KDM1B: variants seen among roughly 807,000 people sequenced by gnomAD.
KDM1B encodes the protein lysine demethylase 1B.
A neutral mutation model predicts 107.4 loss-of-function variants in KDM1B; 63 were observed. That is an observed-to-expected ratio of 0.59 (90% CI 0.48 to 0.72). KDM1B has a LOEUF of 0.72. Among genes scored for constraint, KDM1B ranks in the 30% least tolerant of loss-of-function variants. KDM1B has a pLI of 0.00. For synonymous variants in KDM1B, 363 were observed against 363.9 expected (o/e 1.00, Z 0.03); for missense variants, 749 against 1,020.8 (o/e 0.73, Z 3.63).
rs1789812188 is a variant in KDM1B, at chr6:18,222,223, G to GAA, written c.*233_*234dup. On this transcript the variant is annotated 3_prime_UTR_variant, in exon 22 of 22. Transcript: ENST00000650836. Reference sequence around the variant, plus strand: ...ATTTTCCATAGGTTCAACTACTGCTGAAAGTCTGGATTTCAGAATAAAGCA... The same window carrying GAA: ...ATTTTCCATAGGTTCAACTACTGCTGAAAAAGTCTGGATTTCAGAATAAAGCA... 1 of 633,882 alleles carries GAA rather than the reference G, an allele frequency of 1.6e-6. No homozygotes were observed. The highest frequency in any genetic ancestry group is 1.8e-5 in the African/African-American group (1 of 55,600). The allele number at this position is 633,882 out of a possible 1,614,324, so 39.3% of individuals were successfully genotyped here.
intron 6 of KDM1B, among the ~76,000 whole-genome samples, chr6:18,170,241 A>G (rs7744132): frequency 0.9 from 136,553 of 152,200 alleles, 61,341 homozygotes; most frequent in Middle Eastern, 0.91. Context: ...AAGATAGTAC[A>G]GAGAGTTTCC....
chr6:18,201,437 A>ATT lies in KDM1B; in HGVS notation c.1360-43_1360-42dup, dbSNP rs1362355314. 1 of 1,394,478 alleles carries ATT rather than the reference A, an allele frequency of 7.2e-7. No homozygotes were observed. Among genetic ancestry groups the ATT allele is most frequent in the Non-Finnish European group, 9.7e-7 (1 of 1,025,924 alleles). The allele number at this position is 1,394,478 out of a possible 1,614,324, so 86.4% of individuals were successfully genotyped here. On this transcript the variant is annotated intron_variant, in intron 13 of 21. Transcript: ENST00000650836. This position sits in a 1 kb window ranked among gnomAD's most constrained non-coding sequence, Gnocchi z 4.3. ...GATTTTCAGCTTAGAACCTGTAAAT[A>ATT]TTTTTTTCCAGGGAAAATTTTCACC... is the stretch of plus-strand genomic sequence containing the variant.
chr6:18,210,863 G>A (rs1156269725), intron 17 of KDM1B, among the ~76,000 whole-genome samples: 2 of 152,018 alleles, frequency 1.3e-5, no homozygotes, highest in Non-Finnish European at 2.9e-5. Context: ...TCTGGGCATC[G>A]TGCTGCACAC....
intron 7 of KDM1B, among the ~76,000 whole-genome samples, chr6:18,174,965 T>C (rs1053464868): frequency 1.3e-5 from 2 of 152,244 alleles, no homozygotes; most frequent in African/African-American, 2.4e-5. Flanking sequence ...TATGGAAGTA[T>C]GTTTTTTGTA....
intron 9 of KDM1B, 59 bp downstream of exon 9, chr6:18,188,061 G>A (rs956312257): frequency 9.2e-6 from 13 of 1,413,522 alleles, no homozygotes; most frequent in African/African-American, 4.3e-5. Context: ...CCTGAGGAAC[G>A]TGTGAGTGAG....
At chr6:18,173,072 A>G (rs1582104627) in intron 7 of KDM1B, among the ~76,000 whole-genome samples, 2 of 147,388 alleles carry the variant, frequency 1.4e-5, no homozygotes, top group Admixed American at 1.4e-4. Flanking sequence ...CCTGGGCAAC[A>G]AGAGTGAAAC....
In KDM1B at chr6:18,191,011, G is replaced by A. The variant is rs78849958; in HGVS notation, c.785-186G>A. On this transcript the variant is annotated intron_variant, in intron 9 of 21. Transcript: ENST00000650836. The surrounding 1 kb of genome is among the most constrained non-coding windows in gnomAD (Gnocchi z 5.1). ...AAATTAAAGTTGAGAATAGCATGAA[G>A]AAAGAATGAGAAAAATACTTAATTT... Among the ~76,000 whole-genome samples the A allele has an allele frequency of 6.0e-3, 912 of 152,232 alleles. 7 individuals carry two copies. The highest frequency in any genetic ancestry group is 0.021 in the African/African-American group (859 of 41,528).
chr6:18,209,184 C>A lies in KDM1B; in HGVS notation c.1866+978C>A, dbSNP rs1453920668. Among the ~76,000 whole-genome samples the A allele has an allele frequency of 6.6e-6, 1 of 152,078 alleles. No homozygotes were observed. Among genetic ancestry groups the A allele is most frequent in the Non-Finnish European group, 1.5e-5 (1 of 68,018 alleles). On this transcript the variant is annotated intron_variant, in intron 17 of 21. Coordinates refer to ENST00000650836, the MANE Select transcript of KDM1B (RefSeq NM_001364614.2). This position sits in a 1 kb window ranked among gnomAD's most constrained non-coding sequence, Gnocchi z 4.3. ...GTACAAGGTACTGCTGAATCAAATA[C>A]CTGAAATCACACTGAGATTTATAGT...
intron 2 of KDM1B, among the ~76,000 whole-genome samples, chr6:18,157,324 G>T (rs577704116): frequency 6.6e-6 from 1 of 152,062 alleles, no homozygotes; most frequent in Non-Finnish European, 1.5e-5. Flanking sequence ...AAAAACCCTC[G>T]ATAAGATTTA....
Position 18,171,487 on chromosome 6 carries a change from C to T in KDM1B, c.534+8C>T. ...CCAAATACTGCTATTAAGGTATGTT[C>T]TCTTTTTGCTTTTGAGTTAATTGAT... On this transcript the variant is annotated splice_region_variant and intron_variant, in intron 7 of 21. Transcript: ENST00000650836. The T allele has an allele frequency of 6.9e-7, 1 of 1,445,842 alleles. No homozygotes were observed. Among genetic ancestry groups the T allele is most frequent in the Non-Finnish European group, 9.7e-7 (1 of 1,026,512 alleles). 89.6% of individuals were successfully genotyped at this position (1,445,842 alleles called of 1,614,324 possible).
intron 6 of KDM1B, among the ~76,000 whole-genome samples, chr6:18,167,508 C>CTGT (rs1785380975): frequency 6.6e-6 from 1 of 151,456 alleles, no homozygotes; most frequent in East Asian, 2.0e-4. Flanking sequence ...GGGTCTCACT[C>CTGT]TGTTGCCCAG....
In KDM1B at chr6:18,214,329, A is replaced by G. The variant is rs1789063630; in HGVS notation, c.2109+548A>G. On this transcript the variant is annotated intron_variant, in intron 19 of 21. Transcript: ENST00000650836. This position sits in a 1 kb window ranked among gnomAD's most constrained non-coding sequence, Gnocchi z 4.4. ...GAAACTTTGTCTTAAAAGGTTTCAC[A>G]TAGGAGCCGAGGGCAGATTTTCTTT... Among the ~76,000 whole-genome samples the G allele has an allele frequency of 6.6e-6, 1 of 152,230 alleles. No homozygotes were observed. The highest frequency in any genetic ancestry group is 1.5e-5 in the Non-Finnish European group (1 of 68,042).
At chr6:18,198,940 G>A (rs1383402709) in intron 12 of KDM1B, among the ~76,000 whole-genome samples, 2 of 144,034 alleles carry the variant, frequency 1.4e-5, no homozygotes, top group Non-Finnish European at 3.0e-5. Context: ...AGGCCGAGGT[G>A]AGGAGATCGC....
At position 18,180,723 on chromosome 6, in the gene KDM1B, G is replaced by A. The variant is rs76487970; in HGVS notation, c.535-5049G>A. ...TGGAACTGCAGGTGCTCACCACCAC[G>A]CCCAGCTAATTTGTGTATTTTTAGT... On this transcript the variant is annotated intron_variant, in intron 7 of 21. Coordinates refer to ENST00000650836, the MANE Select transcript of KDM1B (RefSeq NM_001364614.2). Among the ~76,000 whole-genome samples, 116 of 152,200 alleles carry A rather than the reference G, an allele frequency of 7.6e-4. 1 individual carries two copies. The East Asian group carries it at 0.021, about 28-fold the overall frequency.
At chr6:18,218,890 TTA>T in intron 21 of KDM1B, among the ~76,000 whole-genome samples, 1 of 151,964 alleles carries the variant, frequency 6.6e-6, no homozygotes, top group Non-Finnish European at 1.5e-5. Flanking sequence ...TTTAATTTAA[TTA>T]TTTTATTTTA....
intron 20 of KDM1B, among the ~76,000 whole-genome samples, chr6:18,217,378 CT>C (rs11343407): frequency 0.4 from 51,223 of 126,694 alleles, 9,583 homozygotes; most frequent in African/African-American, 0.53. Context: ...TATCTCCCTT[CT>C]TTTTTTTTTT....
At chr6:18,160,974 G>C (rs1235752135) in intron 3 of KDM1B, among the ~76,000 whole-genome samples, 1 of 151,248 alleles carries the variant, frequency 6.6e-6, no homozygotes, top group African/African-American at 2.4e-5. Context: ...GGCTGGTCTT[G>C]GACTCCTGAG....
chr6:18,195,023 A>G (rs576428281), intron 10 of KDM1B, among the ~76,000 whole-genome samples: 35 of 152,342 alleles, frequency 2.3e-4, no homozygotes, highest in Admixed American at 4.6e-4. Context: ...AGATATTTCC[A>G]GTAAATGGAA....
chr6:18,210,530 A>T (rs1426948886), intron 17 of KDM1B, among the ~76,000 whole-genome samples: 6 of 149,584 alleles, frequency 4.0e-5, no homozygotes, highest in African/African-American at 1.5e-4. Context: ...GCTAATTAAA[A>T]ATTTTTTTTT....
Sources: allele counts gnomAD v4.1 joint callset (sites outside exome capture counted in the v4.1 genomes callset), GRCh38; gene constraint gnomAD v4.1.1; non-coding constraint Gnocchi (gnomAD v3.1); transcripts MANE v1.5; gene names NCBI Gene and HGNC (gene_info 2026-07-23, HGNC 2026-07-21).